PTPRQ: variants seen among roughly 807,000 people sequenced by gnomAD.
The protein encoded by PTPRQ is phosphatidylinositol phosphatase PTPRQ.
PTPRQ carries 199 observed loss-of-function variants against 246.0 expected under a neutral mutation model. The ratio of observed to expected loss-of-function variants is 0.81; its 90% confidence interval spans 0.72 to 0.91. PTPRQ has a LOEUF of 0.91. PTPRQ is among the 40% of genes least tolerant of loss of function. The pLI is 0.00. For synonymous variants in PTPRQ, 869 were observed against 853.2 expected, an observed-to-expected ratio of 1.02 and a Z score of -0.32; for missense variants, 2,624 against 2,528.4, an observed-to-expected ratio of 1.04 and a Z score of -0.81.
intron 17 of PTPRQ, among the ~76,000 whole-genome samples, chr12:80,528,090 C>CATAA (rs1025441593): frequency 1.6e-4 from 25 of 151,852 alleles, no homozygotes; most frequent in East Asian, 5.8e-4. Context: ...GACTCTGTCT[C>CATAA]ATAAATAAAT....
At chr12:80,447,700 AGTTG>A (rs773933632) in intron 3 of PTPRQ, among the ~76,000 whole-genome samples, 4 of 152,056 alleles carry the variant, frequency 2.6e-5, no homozygotes, top group Non-Finnish European at 5.9e-5. Flanking sequence ...GTCAAAAATC[AGTTG>A]GTTGTAGGTA....
intron 9 of PTPRQ, among the ~76,000 whole-genome samples, chr12:80,488,749 C>G (rs1894358412): frequency 6.6e-6 from 1 of 151,956 alleles, no homozygotes; most frequent in Admixed American, 6.6e-5. Flanking sequence ...ATGATTTGAT[C>G]TCATTACCCT....
intron 29 of PTPRQ, 70 bp from the exon 30 acceptor site, chr12:80,616,128 CAT>C (rs146609467): frequency 0.032 from 27,529 of 866,516 alleles, 25 homozygotes; most frequent in South Asian, 0.053. Flanking sequence ...TAGATACATG[CAT>C]ATATATATAT....
intron 38 of PTPRQ, among the ~76,000 whole-genome samples, chr12:80,656,057 C>T (rs192595691): frequency 6.6e-6 from 1 of 152,146 alleles, no homozygotes; most frequent in East Asian, 1.9e-4. Context: ...GGAGGTGTAT[C>T]TAGTGAATAG....
At chr12:80,593,852 G>A (rs1399703946) in intron 26 of PTPRQ, among the ~76,000 whole-genome samples, 2 of 151,966 alleles carry the variant, frequency 1.3e-5, no homozygotes, top group East Asian at 3.9e-4. Flanking sequence ...TTAAAGGAGT[G>A]TGGGTGTGAA....
At chr12:80,573,509 T>C (rs1897205686) in intron 25 of PTPRQ, among the ~76,000 whole-genome samples, 1 of 152,060 alleles carries the variant, frequency 6.6e-6, no homozygotes, top group Non-Finnish European at 1.5e-5. Context: ...AAAATTATTT[T>C]AAGTTCTGGG....
chr12:80,589,689 G>C (rs1459121993), intron 26 of PTPRQ, among the ~76,000 whole-genome samples: 1 of 152,088 alleles, frequency 6.6e-6, no homozygotes, highest in Non-Finnish European at 1.5e-5. Flanking sequence ...AATATAATTT[G>C]ACATTTGAGG....
chr12:80,616,861 G>T (rs907209849), intron 30 of PTPRQ, among the ~76,000 whole-genome samples: 2 of 150,942 alleles, frequency 1.3e-5, no homozygotes, highest in African/African-American at 2.4e-5. Flanking sequence ...TGATTAAGAG[G>T]AATTTAGGGC....
At chr12:80,472,321 T>C in intron 8 of PTPRQ, 70 bp downstream of exon 8, 1 of 1,513,594 alleles carries the variant, frequency 6.6e-7, no homozygotes. Flanking sequence ...TAAAACATGA[T>C]ATTAGAAGCA....
At chr12:80,478,038 G>A (rs1405686859) in intron 8 of PTPRQ, among the ~76,000 whole-genome samples, 3 of 152,226 alleles carry the variant, frequency 2.0e-5, no homozygotes, top group African/African-American at 7.2e-5. Flanking sequence ...ACAGCTCAAG[G>A]AGGCCTGCTT....
chr12:80,582,409 TTGTAGTCCTAACTCCC>T (rs1277496365), intron 25 of PTPRQ, among the ~76,000 whole-genome samples: 2 of 152,138 alleles, frequency 1.3e-5, no homozygotes, highest in African/African-American at 4.8e-5. Flanking sequence ...GAATCATATG[TTGTAGTCCTAACTCCC>T]TGTGTGATGC....
chr12:80,481,762 A>G (rs1311146696), intron 8 of PTPRQ, among the ~76,000 whole-genome samples: 1 of 151,950 alleles, frequency 6.6e-6, no homozygotes, highest in Non-Finnish European at 1.5e-5. Flanking sequence ...TCATGAGTGA[A>G]CTCCCATTCA....
intron 16 of PTPRQ, among the ~76,000 whole-genome samples, chr12:80,507,305 G>T (rs533685541): frequency 1.2e-3 from 182 of 152,072 alleles, no homozygotes; most frequent in African/African-American, 3.7e-3. Context: ...ATATATTTGG[G>T]TTAGGATTTG....
At chr12:80,449,990 C>G (rs979233962) in intron 3 of PTPRQ, among the ~76,000 whole-genome samples, 8 of 152,046 alleles carry the variant, frequency 5.3e-5, no homozygotes, top group Admixed American at 1.3e-4. Flanking sequence ...TCACGATATT[C>G]ATTCTTCCTA....
At position 80,670,416 on chromosome 12, in the gene PTPRQ, G is replaced by C; in HGVS notation, c.6526G>C (p.Ala2176Pro). 1 of 1,551,146 alleles carries C rather than the reference G, an allele frequency of 6.4e-7. No homozygotes were observed. The highest frequency in any genetic ancestry group is 8.7e-7 in the Non-Finnish European group (1 of 1,146,622). The change falls in exon 42 of 45, where the codon GCC becomes CCC. Residue 2176 changes from alanine to proline, a missense_variant. Coordinates refer to ENST00000644991, the MANE Select transcript of PTPRQ (RefSeq NM_001145026.2). ...AGAGCATGGGGTTCCTGAGAACAGC[G>C]CCCCTCTAATTCACTTTGTGAAGTT... ...WPEHGVPENS[A>P]PLIHFVKLVR...
At chr12:80,549,872 C>A in intron 25 of PTPRQ, 138 bp downstream of exon 25, 1 of 1,231,276 alleles carries the variant, frequency 8.1e-7, no homozygotes, top group Non-Finnish European at 1.1e-6. Flanking sequence ...GGCTTTTTAT[C>A]CCACGTGTTG....
At chr12:80,673,082 A>G (rs1901024704) in intron 42 of PTPRQ, 87 bp from the exon 43 acceptor site, 10 of 1,475,274 alleles carry the variant, frequency 6.8e-6, no homozygotes, top group East Asian at 2.6e-5. Flanking sequence ...ATTAGAATTT[A>G]TTGCTATCAT....
chr12:80,588,385 G>A lies in PTPRQ; in HGVS notation c.4542G>A (p.Val1514=), dbSNP rs1437973462. ...AATTTAGATGGTATAGATTCCAAGT[G>A]GCTGCCAGCACCAATGCTGGCTATG... ...LKKFRWYRFQ[V]AASTNAGYGN... The change falls in exon 26 of 45, where the codon GTG becomes GTA. Residue 1514 remains valine, a synonymous_variant. Coordinates refer to ENST00000644991, the MANE Select transcript of PTPRQ (RefSeq NM_001145026.2). 1.4e-5 allele frequency: 21 copies of A among 1,532,104 alleles called. No individual in the cohort carries two copies. The East Asian group carries it at 2.0e-4, about 14-fold the overall frequency. 94.9% of individuals were successfully genotyped at this position (1,532,104 alleles called of 1,614,324 possible). A position where few individuals can be genotyped will look rare whatever the true frequency, so the allele number is the denominator to read the frequency against.
At chr12:80,661,739 A>C (rs1267221741) in intron 39 of PTPRQ, among the ~76,000 whole-genome samples, 1 of 151,784 alleles carries the variant, frequency 6.6e-6, no homozygotes, top group East Asian at 1.9e-4. Context: ...AGGCACTAAA[A>C]TGTCATTATT....
Sources: gnomAD v4.1 joint callset for allele counts (sites outside exome capture counted in the v4.1 genomes callset) on GRCh38, gnomAD v4.1.1 for gene constraint, MANE v1.5 for transcripts, NCBI Gene and HGNC (gene_info 2026-07-23, HGNC 2026-07-21) for gene names.